The following PDE11A variants were observed in gnomAD, a reference collection of about 807,000 sequenced individuals.
The protein encoded by PDE11A is phosphodiesterase 11A, also known as dual 3',5'-cyclic-AMP and -GMP phosphodiesterase 11A.
Under a neutral mutation model 100.5 loss-of-function variants are expected in PDE11A, and 100 were observed. That is an observed-to-expected ratio of 1.00 (90% CI 0.85 to 1.18). The LOEUF (loss-of-function observed/expected upper bound fraction) is 1.18. Among genes scored for constraint, PDE11A ranks in the 50% most tolerant of loss-of-function variants. The probability of loss-of-function intolerance (pLI) is 0.00; values close to 1 mark genes in which losing one functional copy is unlikely to be tolerated. For missense variants in PDE11A, 1,141 were observed against 1,152.6 expected, an observed-to-expected ratio of 0.99 and a Z score of 0.15; for synonymous variants, 381 against 420.8, an observed-to-expected ratio of 0.91 and a Z score of 1.16.
At chr2:178,082,982 G>A (rs1444590679) in intron 2 of PDE11A, among the ~76,000 whole-genome samples, 2 of 152,224 alleles carry the variant, frequency 1.3e-5, no homozygotes, top group Non-Finnish European at 2.9e-5. Flanking sequence ...CCTTGGCCAA[G>A]AGATGGTCTG....
At chr2:177,999,161 A>G (rs991962464) in intron 2 of PDE11A, among the ~76,000 whole-genome samples, 2 of 152,228 alleles carry the variant, frequency 1.3e-5, no homozygotes, top group African/African-American at 4.8e-5. Flanking sequence ...GAAGCAATGG[A>G]CATTTATAGG....
chr2:177,771,638 TAC>T (rs1192468404), intron 9 of PDE11A, among the ~76,000 whole-genome samples: 1 of 152,196 alleles, frequency 6.6e-6, no homozygotes, highest in Non-Finnish European at 1.5e-5. Context: ...GGAAAAAAAT[TAC>T]AGTGTATTAT....
chr2:178,021,871 G>A (rs555665598), intron 1 of PDE11A, among the ~76,000 whole-genome samples: 9 of 152,318 alleles, frequency 5.9e-5, no homozygotes, highest in South Asian at 2.1e-4. Flanking sequence ...GGCAATAAAC[G>A]CTGGTTAATT....
intron 9 of PDE11A, among the ~76,000 whole-genome samples, chr2:177,814,846 G>A (rs564739899): frequency 2.9e-4 from 44 of 152,310 alleles, no homozygotes; most frequent in African/African-American, 1.0e-3. Context: ...ATTGGGGTAG[G>A]AGTAGTGCCA....
chr2:177,914,243 G>T (rs1402759599), intron 2 of PDE11A, among the ~76,000 whole-genome samples: 1 of 151,918 alleles, frequency 6.6e-6, no homozygotes, highest in South Asian at 2.1e-4. Flanking sequence ...TACCCTTTAT[G>T]TGCTAAGAAT....
chr2:177,770,593 C>G (rs1159135716), intron 9 of PDE11A, among the ~76,000 whole-genome samples: 1 of 152,088 alleles, frequency 6.6e-6, no homozygotes, highest in East Asian at 1.9e-4. Context: ...CCTGGAGGTG[C>G]AGCAAAATCT....
At chr2:177,806,531 C>T (rs1281925020) in intron 9 of PDE11A, among the ~76,000 whole-genome samples, 1 of 151,970 alleles carries the variant, frequency 6.6e-6, no homozygotes, top group Non-Finnish European at 1.5e-5. Flanking sequence ...TAGAACAAAA[C>T]AAAAGATTTT....
intron 19 of PDE11A, among the ~76,000 whole-genome samples, chr2:177,647,456 T>C (rs978722706): frequency 6.6e-6 from 1 of 152,216 alleles, no homozygotes; most frequent in African/African-American, 2.4e-5. Flanking sequence ...GAATATTCTA[T>C]TAGCATTGGT....
chr2:178,095,226 A>T (rs977076549), intron 2 of PDE11A, among the ~76,000 whole-genome samples: 5 of 152,202 alleles, frequency 3.3e-5, no homozygotes, highest in African/African-American at 1.2e-4. Flanking sequence ...AAAGCAAGTT[A>T]TTTACTTCCT....
intron 10 of PDE11A, among the ~76,000 whole-genome samples, chr2:177,749,863 A>T (rs1332360313): frequency 6.6e-6 from 1 of 152,176 alleles, no homozygotes; most frequent in Non-Finnish European, 1.5e-5. Flanking sequence ...GAAAAATGAC[A>T]TTGTTGGAAA....
chr2:177,737,420 T>TACACACACACAC (rs567621311), intron 10 of PDE11A, among the ~76,000 whole-genome samples: 2,754 of 110,422 alleles, frequency 0.025, 303 homozygotes, highest in East Asian at 0.054. Context: ...CTACTAAAAA[T>TACACACACACAC]ACACACACAC....
chr2:177,727,611 T>G, intron 12 of PDE11A, 47 bp downstream of exon 12: 1 of 1,096,588 alleles, frequency 9.1e-7, no homozygotes, highest in South Asian at 1.2e-5. Context: ...GGCCTGCCAG[T>G]TCCTACGAAT....
At chr2:177,826,576 A>T (rs1292565852) in intron 6 of PDE11A, among the ~76,000 whole-genome samples, 1 of 152,254 alleles carries the variant, frequency 6.6e-6, no homozygotes, top group Non-Finnish European at 1.5e-5. Flanking sequence ...AATGGTTTGT[A>T]GAATAGTGCC....
intron 8 of PDE11A, 48 bp downstream of exon 8, chr2:177,817,810 C>T (rs780129379): frequency 1.4e-5 from 12 of 837,156 alleles, no homozygotes; most frequent in African/African-American, 3.8e-5. Context: ...AAGCTGCAAC[C>T]AGGGGACTAT....
chr2:177,874,720 TA>T (rs2105693485), intron 5 of PDE11A, among the ~76,000 whole-genome samples: 2 of 152,270 alleles, frequency 1.3e-5, no homozygotes, highest in East Asian at 3.9e-4. Flanking sequence ...AAAAATAAAG[TA>T]AAAAATTAGG....
At chr2:177,829,214 G>T (rs1273248628) in intron 6 of PDE11A, among the ~76,000 whole-genome samples, 1 of 151,978 alleles carries the variant, frequency 6.6e-6, no homozygotes, top group Middle Eastern at 3.2e-3. Flanking sequence ...GGAGACTGTG[G>T]CCTGTGCTTT....
At position 178,082,604 on chromosome 2, in the gene PDE11A, T is replaced by C. The variant is rs1051764094; in HGVS notation, c.162+21698A>G. Among the ~76,000 whole-genome samples, 8 of 152,248 alleles carry C rather than the reference T, an allele frequency of 5.3e-5. 1 individual carries two copies. The highest frequency in any genetic ancestry group is 2.0e-4 in the Admixed American group (3 of 15,288). Reference sequence around the variant, plus strand: ...CCAAACATACATATTCAATCAGCTATAGGAGGAGTCATGAATATTTATGAA... The same window carrying C: ...CCAAACATACATATTCAATCAGCTACAGGAGGAGTCATGAATATTTATGAA... On this transcript the variant is annotated intron_variant, in intron 2 of 20. Transcript: ENST00000358450.
intron 1 of PDE11A, among the ~76,000 whole-genome samples, chr2:178,107,727 T>C (rs1011559643): frequency 2.1e-5 from 3 of 144,844 alleles, no homozygotes; most frequent in African/African-American, 2.5e-5. Context: ...TTTTCTTTTT[T>C]TTTTTTTTTT....
chr2:177,948,055 G>A (rs2085465672), intron 2 of PDE11A, among the ~76,000 whole-genome samples: 1 of 151,444 alleles, frequency 6.6e-6, no homozygotes, highest in South Asian at 2.1e-4. Context: ...TTTTAACAGA[G>A]TCAAAATAAT....
Sources: allele counts gnomAD v4.1 joint callset (sites outside exome capture counted in the v4.1 genomes callset), GRCh38; gene constraint gnomAD v4.1.1; transcripts MANE v1.5; gene names NCBI Gene and HGNC (gene_info 2026-07-23, HGNC 2026-07-21).